HERC3: variants seen among roughly 807,000 people sequenced by gnomAD.
HERC3 encodes the protein HECT and RLD domain containing E3 ubiquitin protein ligase 3, also known as probable E3 ubiquitin-protein ligase HERC3.
A neutral mutation model predicts 129.9 loss-of-function variants in HERC3; 58 were observed. That is an observed-to-expected ratio of 0.45 (90% CI 0.36 to 0.56). The LOEUF is 0.56. Among genes scored for constraint, HERC3 ranks in the 20% least tolerant of loss-of-function variants. The pLI, the probability that HERC3 is intolerant of heterozygous loss-of-function variation, is 0.00. For missense variants in HERC3, 835 were observed against 1,244.2 expected (o/e 0.67, Z 4.95); for synonymous variants, 430 against 451.0 (o/e 0.95, Z 0.59).
intron 3 of HERC3, among the ~76,000 whole-genome samples, chr4:88,644,683 G>A (rs959915972): frequency 2.0e-5 from 3 of 152,058 alleles, no homozygotes; most frequent in Non-Finnish European, 2.9e-5. Context: ...GATTGTGTTT[G>A]AATTCATAGA....
intron 2 of HERC3, among the ~76,000 whole-genome samples, chr4:88,601,945 A>T (rs1723023721): frequency 8.5e-6 from 1 of 118,178 alleles, no homozygotes; most frequent in Non-Finnish European, 1.5e-5. Flanking sequence ...AGTCCCAGCT[A>T]CTTGGGAGGC....
chr4:88,687,196 T>C (rs755645597), intron 22 of HERC3, 21 bp from the exon 23 acceptor site: 36 of 1,581,526 alleles, frequency 2.3e-5, no homozygotes, highest in Middle Eastern at 1.7e-4. Context: ...GAAATATTTC[T>C]TTTTTCCACC....
chr4:88,528,608 TC>T, the HERC3 span, among the ~76,000 whole-genome samples: 2 of 152,150 alleles, frequency 1.3e-5, no homozygotes, highest in Non-Finnish European at 2.9e-5. Context: ...AGGTCCAGGC[TC>T]ATGGGACCAT....
At chr4:88,670,045 G>GTA in intron 15 of HERC3, 22 bp downstream of exon 15, 1 of 1,610,656 alleles carries the variant, frequency 6.2e-7, no homozygotes, top group Non-Finnish European at 8.5e-7. Flanking sequence ...AGGTGCTAGT[G>GTA]GGGAGGGGGT....
chr4:88,669,912 C>CTA lies in HERC3; in HGVS notation c.1689_1690dup (p.Lys564IlefsTer9). 1 of 1,613,334 alleles carries CTA rather than the reference C, an allele frequency of 6.2e-7. No homozygotes were observed. Among genetic ancestry groups the CTA allele is most frequent in the Non-Finnish European group, 8.5e-7 (1 of 1,179,374 alleles). On this transcript the variant is annotated frameshift_variant, in exon 15 of 26. Coordinates refer to ENST00000402738, the MANE Select transcript of HERC3 (RefSeq NM_014606.3). LOFTEE classifies it high-confidence loss of function. Reference sequence around the variant, plus strand: ...AATATTTCATGAAGCTGGTAAACCTCTATAAAGGTGCAGTCCTTTATCTAC... The same window carrying CTA: ...AATATTTCATGAAGCTGGTAAACCTCTATATAAAGGTGCAGTCCTTTATCTAC...
rs1560790665 is a variant in HERC3, at chr4:88,707,039, ATTTC to A, written c.*81_*84del. 1 of 1,147,218 alleles carries A rather than the reference ATTTC, an allele frequency of 8.7e-7. No homozygotes were observed. Among genetic ancestry groups the A allele is most frequent in the East Asian group, 2.4e-5 (1 of 40,964 alleles). The allele number at this position is 1,147,218 out of a possible 1,614,324, so 71.1% of individuals were successfully genotyped here. Reference sequence around the variant, plus strand: ...CCTATACAGAAAATCATGGGGAGTGATTTCTATTTTTTTATTGTCTAAGTGGGTT... The same window carrying A: ...CCTATACAGAAAATCATGGGGAGTGATATTTTTTTATTGTCTAAGTGGGTT... On this transcript the variant is annotated 3_prime_UTR_variant, in exon 26 of 26. Coordinates refer to ENST00000402738, the MANE Select transcript of HERC3 (RefSeq NM_014606.3).
Position 88,604,177 on chromosome 4 carries a change from G to A in HERC3, c.-29-1618G>A, listed in dbSNP as rs191204106. On this transcript the variant is annotated intron_variant, in intron 2 of 25. Transcript: ENST00000402738. ...CTGGATTACAGGCATGCGCCACCGC[G>A]CCTGGCTGATTTTGTATTTTTAGTA... is the stretch of plus-strand genomic sequence containing the variant. Among the ~76,000 whole-genome samples the A allele has an allele frequency of 6.0e-3, 913 of 152,226 alleles. 4 individuals carry two copies. Among genetic ancestry groups the A allele is most frequent in the Middle Eastern group, 0.024 (7 of 294 alleles).
intron 2 of HERC3, among the ~76,000 whole-genome samples, chr4:88,601,101 A>G (rs1041372663): frequency 2.0e-5 from 3 of 152,230 alleles, no homozygotes; most frequent in African/African-American, 4.8e-5. Context: ...TTCAAAGAAT[A>G]ACATTTAATC....
the HERC3 span, chr4:88,528,176 A>C: frequency 5.0e-6 from 1 of 200,058 alleles, no homozygotes. Flanking sequence ...TGTGACCTGC[A>C]ACTGCCCTGT....
intron 1 of HERC3, 93 bp downstream of exon 1, chr4:88,592,667 C>CGCGGCTCCCGGAGGGGCGGCT (rs1384979678): frequency 1.3e-5 from 2 of 152,232 alleles, no homozygotes; most frequent in East Asian, 3.9e-4. Flanking sequence ...GCAGTCAGCG[C>CGCGGCTCCCGGAGGGGCGGCT]GCGGCTCCCG....
At chr4:88,697,281 C>G in intron 23 of HERC3, 1 of 1,542,390 alleles carries the variant, frequency 6.5e-7, no homozygotes, top group East Asian at 2.3e-5. Context: ...CTGCCGCAGC[C>G]TCCTCCTCCT....
chr4:88,529,753 C>CAA, the HERC3 span, among the ~76,000 whole-genome samples: 3,284 of 133,662 alleles, frequency 0.025, 86 homozygotes, highest in African/African-American at 0.073. Flanking sequence ...GACTATGTCT[C>CAA]AAAAAAAAAA....
the HERC3 span, among the ~76,000 whole-genome samples, chr4:88,535,683 G>T: frequency 2.0e-5 from 3 of 152,092 alleles, no homozygotes; most frequent in Non-Finnish European, 4.4e-5. Flanking sequence ...GTCAGCTCAG[G>T]TCTCTCTTCC....
At chr4:88,610,780 T>C (rs770442411) in intron 3 of HERC3, among the ~76,000 whole-genome samples, 5 of 152,224 alleles carry the variant, frequency 3.3e-5, no homozygotes, top group Non-Finnish European at 7.3e-5. Flanking sequence ...AGCAAAGATC[T>C]GTAGAAGGCA....
intron 3 of HERC3, among the ~76,000 whole-genome samples, chr4:88,635,913 A>G (rs963429698): frequency 2.0e-5 from 3 of 152,222 alleles, no homozygotes; most frequent in Admixed American, 1.3e-4. Flanking sequence ...TTCATAAGCT[A>G]AGGAGAAATA....
At chr4:88,605,746 G>A in intron 2 of HERC3, 49 bp from the exon 3 acceptor site, 2 of 1,069,432 alleles carry the variant, frequency 1.9e-6, no homozygotes, top group Middle Eastern at 2.8e-4. Context: ...GATTTTCTAT[G>A]ACCTATTTCT....
intron 14 of HERC3, among the ~76,000 whole-genome samples, chr4:88,668,356 T>G (rs1311547259): frequency 2.6e-5 from 4 of 152,166 alleles, no homozygotes; most frequent in Non-Finnish European, 5.9e-5. Flanking sequence ...GAAACTATTT[T>G]TTTCTACCAC....
intron 3 of HERC3, among the ~76,000 whole-genome samples, chr4:88,631,163 A>G (rs987689313): frequency 1.3e-5 from 2 of 152,210 alleles, no homozygotes; most frequent in African/African-American, 4.8e-5. Flanking sequence ...CTGAACTGAG[A>G]GGTACTACTC....
At chr4:88,523,947 G>A in the HERC3 span, 7 of 486,166 alleles carry the variant, frequency 1.4e-5, no homozygotes, top group African/African-American at 2.1e-5. Flanking sequence ...GTGCCCCGCC[G>A]CCTTACCAGA....
Sources: allele counts gnomAD v4.1 joint callset (sites outside exome capture counted in the v4.1 genomes callset), GRCh38; gene constraint gnomAD v4.1.1; transcripts MANE v1.5; gene names NCBI Gene and HGNC (gene_info 2026-07-23, HGNC 2026-07-21).